LCK: variants seen among roughly 807,000 people sequenced by gnomAD.
LCK encodes the protein LCK proto-oncogene, Src family tyrosine kinase.
In LCK, 14 loss-of-function variants were observed where a neutral mutation model predicts 64.6. The ratio of observed to expected loss-of-function variants is 0.22; its 90% confidence interval spans 0.14 to 0.34. LCK has a LOEUF of 0.34. Ranked by LOEUF, LCK falls within the 10% of genes least tolerant of loss-of-function variation. The pLI is 1.00. For missense variants in LCK, 434 were observed against 668.1 expected, an observed-to-expected ratio of 0.65 and a Z score of 3.86; for synonymous variants, 277 against 263.6, an observed-to-expected ratio of 1.05 and a Z score of -0.49.
At chr1:32,272,811 TGA>T (rs1168518525) in intron 1 of LCK, among the ~76,000 whole-genome samples, 5 of 141,026 alleles carry the variant, frequency 3.5e-5, no homozygotes, top group Non-Finnish European at 7.7e-5. Context: ...TGTGTGTGTG[TGA>T]GTGTGGGTGT....
intron 9 of LCK, among the ~76,000 whole-genome samples, chr1:32,278,897 G>C (rs1325487172): frequency 6.6e-6 from 1 of 152,144 alleles, no homozygotes; most frequent in Non-Finnish European, 1.5e-5. Context: ...AAGGGCCATT[G>C]GTCACTCACT....
At position 32,272,951 on chromosome 1, in the gene LCK, ATGTG is replaced by A. The variant is rs1180843863; in HGVS notation, c.-5-1365_-5-1362del. Reference sequence around the variant, plus strand: ...ATGAATGTGTGTTGGGGAGGGGAGAATGTGTGTGTGTGGGGTGAGTGCGTGTGTG... The same window carrying A: ...ATGAATGTGTGTTGGGGAGGGGAGAATGTGTGTGGGGTGAGTGCGTGTGTG... On this transcript the variant is annotated intron_variant, in intron 1 of 12. Transcript: ENST00000336890. Among the ~76,000 whole-genome samples, 8 of 107,192 alleles carry A rather than the reference ATGTG, an allele frequency of 7.5e-5. No homozygotes were observed. The East Asian group carries it at 2.2e-3, about 29-fold the overall frequency. The allele number at this position is 107,192 out of a possible 152,430, so 70.3% of individuals were successfully genotyped here. A position where few individuals can be genotyped will look rare whatever the true frequency, so the allele number is the denominator to read the frequency against.
In LCK at chr1:32,276,317, C is replaced by T. The variant is rs369565834; in HGVS notation, c.632-20C>T. ...AGGCCTGCCCTATTGACAGCCTTCACCCCTCCCTCGTCCTCGCAGATGCTT... is the reference window on the plus strand; with the variant it reads ...AGGCCTGCCCTATTGACAGCCTTCATCCCTCCCTCGTCCTCGCAGATGCTT... On this transcript the variant is annotated intron_variant, in intron 7 of 12. Coordinates refer to ENST00000336890, the MANE Select transcript of LCK (RefSeq NM_005356.5). This position sits in a 1 kb window ranked among gnomAD's most constrained non-coding sequence, Gnocchi z 4.6. 1.9e-6 allele frequency: 3 copies of T among 1,541,358 alleles called. No homozygotes were observed. The highest frequency in any genetic ancestry group is 2.7e-5 in the African/African-American group (2 of 72,988).
At chr1:32,260,968 C>T (rs556127740) in intron 1 of LCK, among the ~76,000 whole-genome samples, 2 of 152,200 alleles carry the variant, frequency 1.3e-5, no homozygotes, top group Non-Finnish European at 2.9e-5. Context: ...AACTCAGCCA[C>T]GAAGCTGGCA....
At chr1:32,262,885 A>AC (rs1166634048) in intron 1 of LCK, among the ~76,000 whole-genome samples, 79 of 151,920 alleles carry the variant, frequency 5.2e-4, no homozygotes, top group African/African-American at 1.7e-3. Context: ...AAAAAAAAAA[A>AC]AACAGATGAA....
At chr1:32,252,562 A>G (rs1028608690) in intron 1 of LCK, among the ~76,000 whole-genome samples, 3 of 152,162 alleles carry the variant, frequency 2.0e-5, no homozygotes, top group Non-Finnish European at 2.9e-5. Flanking sequence ...GCTAGGGAAC[A>G]TGGTGGCTCT....
Position 32,275,436 on chromosome 1 carries a change from C to G in LCK, c.377+17C>G. 6.2e-7 allele frequency: 1 copy of G among 1,612,666 alleles called. No homozygotes were observed. Among genetic ancestry groups the G allele is most frequent in the Non-Finnish European group, 8.5e-7 (1 of 1,178,946 alleles). On this transcript the variant is annotated intron_variant, in intron 5 of 12. Coordinates refer to ENST00000336890, the MANE Select transcript of LCK (RefSeq NM_005356.5). This position sits in a 1 kb window ranked among gnomAD's most constrained non-coding sequence, Gnocchi z 6.9. ...GCCCGAACCGTAAGTGGGGACCCGT[C>G]GTGGGGGTGGGTAGGAGCAGATCTA...
chr1:32,260,795 T>C (rs1449315046), intron 1 of LCK, among the ~76,000 whole-genome samples: 2 of 151,672 alleles, frequency 1.3e-5, no homozygotes, highest in South Asian at 2.1e-4. Context: ...TTAATTTTTG[T>C]ATTTTTTGTA....
intron 12 of LCK, among the ~76,000 whole-genome samples, chr1:32,284,592 A>T (rs1401319278): frequency 6.6e-6 from 1 of 151,436 alleles, no homozygotes; most frequent in Non-Finnish European, 1.5e-5. Flanking sequence ...CTGGTCTTGA[A>T]CTCCTGGCCT....
Position 32,275,064 on chromosome 1 carries a change from C to G in LCK, c.259C>G (p.Gln87Glu). 6.2e-7 allele frequency: 1 copy of G among 1,613,310 alleles called. No homozygotes were observed. The highest frequency in any genetic ancestry group is 8.5e-7 in the Non-Finnish European group (1 of 1,179,424). The part of the protein sequence containing the change: ...DGDLGFEKGE[Q>E]LRILEQSGEW... Reference sequence around the variant, plus strand: ...AGATCTGGGCTTTGAGAAGGGGGAACAGCTCCGCATCCTGGAGCAGTGAGT... The same window carrying G: ...AGATCTGGGCTTTGAGAAGGGGGAAGAGCTCCGCATCCTGGAGCAGTGAGT... The change falls in exon 4 of 13, where the codon CAG becomes GAG. Residue 87 changes from glutamine (Q) to glutamate (E), a missense_variant. Transcript: ENST00000336890. The surrounding 1 kb of genome is among the most constrained non-coding windows in gnomAD (Gnocchi z 6.9).
At chr1:32,280,707 G>A (rs112909308) in intron 12 of LCK, among the ~76,000 whole-genome samples, 5,365 of 151,844 alleles carry the variant, frequency 0.035, 312 homozygotes, top group African/African-American at 0.12. Flanking sequence ...GGCCTGCCTC[G>A]GCCTCCCAGT....
Position 32,254,028 on chromosome 1 carries a change from A to C in LCK, c.-6+2657A>C, listed in dbSNP as rs537769958. 3.3e-5 allele frequency among the ~76,000 whole-genome samples: 5 copies of C among 152,286 alleles called. No individual in the cohort carries two copies. The South Asian group carries it at 1.0e-3, about 32-fold the overall frequency. On this transcript the variant is annotated intron_variant, in intron 1 of 12. Coordinates refer to ENST00000336890, the MANE Select transcript of LCK (RefSeq NM_005356.5). ...TTCAAGGCCAAGCTCAATTCAGTGA[A>C]AGTAATTCTCAGTGGGGTGGGGTGG...
In LCK at chr1:32,285,872, G is replaced by A. The variant is rs188040307; in HGVS notation, c.*156G>A. 3.6e-4 allele frequency: 261 copies of A among 725,410 alleles called. No individual in the cohort carries two copies. In the African/African-American group the frequency reaches 4.2e-3, roughly 12 times the overall value. 44.9% of individuals were successfully genotyped at this position (725,410 alleles called of 1,614,324 possible). On this transcript the variant is annotated 3_prime_UTR_variant, in exon 13 of 13. Coordinates refer to ENST00000336890, the MANE Select transcript of LCK (RefSeq NM_005356.5). ...ACATATGCACCTTGTGTCTGTACAC[G>A]TGTCCTGTAGTTGCGTGGACTCTGC...
rs753532894 is a variant in LCK at position 32,275,525 on chromosome 1, T to G, written c.378-44T>G. On this transcript the variant is annotated intron_variant, in intron 5 of 12. Coordinates refer to ENST00000336890, the MANE Select transcript of LCK (RefSeq NM_005356.5). The surrounding 1 kb of genome is among the most constrained non-coding windows in gnomAD (Gnocchi z 6.9). The stretch of plus-strand genomic sequence containing the variant: ...AAGGCTTGAGGGCCACGGAGGAAGA[T>G]CCGACGACAGCCGACGGCCTTCGTT... The G allele has an allele frequency of 5.1e-6, 8 of 1,553,868 alleles. No individual in the cohort carries two copies. The highest frequency in any genetic ancestry group is 6.1e-6 in the Non-Finnish European group (7 of 1,142,944).
chr1:32,268,754 G>A lies in LCK; in HGVS notation c.-5-5571G>A, dbSNP rs922229226. ...CTTGAACCTGGGAGGCAGAGGTTGCGGTGGGCCGAGATCGTGCCATTGCAC... is the reference window on the plus strand; with the variant it reads ...CTTGAACCTGGGAGGCAGAGGTTGCAGTGGGCCGAGATCGTGCCATTGCAC... On this transcript the variant is annotated intron_variant, in intron 1 of 12. Transcript: ENST00000336890. Among the ~76,000 whole-genome samples, 7 of 150,408 alleles carry A rather than the reference G, an allele frequency of 4.7e-5. 1 individual carries two copies. Among genetic ancestry groups the A allele is most frequent in the Admixed American group, 3.3e-4 (5 of 15,110 alleles).
In LCK at chr1:32,279,837, G is replaced by A; in HGVS notation, c.1042-4G>A. 3 of 1,614,170 alleles carry A rather than the reference G, an allele frequency of 1.9e-6. No homozygotes were observed. The highest frequency in any genetic ancestry group is 2.5e-6 in the Non-Finnish European group (3 of 1,180,004). ...AGGACCGCTGATCTGTGTTTGGCCTGCAGATTGCAGAAGGCATGGCATTCA... is the reference window on the plus strand; with the variant it reads ...AGGACCGCTGATCTGTGTTTGGCCTACAGATTGCAGAAGGCATGGCATTCA... On this transcript the variant is annotated splice_polypyrimidine_tract_variant and splice_region_variant and intron_variant, in intron 10 of 12. Coordinates refer to ENST00000336890, the MANE Select transcript of LCK (RefSeq NM_005356.5).
In LCK at chr1:32,276,790, G is replaced by A; in HGVS notation, c.964+4G>A. On this transcript the variant is annotated splice_donor_region_variant and intron_variant, in intron 9 of 12. Transcript: ENST00000336890. This position sits in a 1 kb window ranked among gnomAD's most constrained non-coding sequence, Gnocchi z 4.6. Reference sequence around the variant, plus strand: ...ATCACTGAATACATGGAGAATGGTGGGTGCTACCCGAGTCGGCTACCAGGG... The same window carrying A: ...ATCACTGAATACATGGAGAATGGTGAGTGCTACCCGAGTCGGCTACCAGGG... The A allele has an allele frequency of 6.3e-7, 1 of 1,587,802 alleles. No homozygotes were observed. The highest frequency in any genetic ancestry group is 8.6e-7 in the Non-Finnish European group (1 of 1,161,896).
chr1:32,254,699 A>G (rs1639587454), intron 1 of LCK, among the ~76,000 whole-genome samples: 1 of 151,590 alleles, frequency 6.6e-6, no homozygotes, highest in African/African-American at 2.4e-5. Context: ...TTTAGTAGAG[A>G]TGGGGTTTCT....
intron 12 of LCK, among the ~76,000 whole-genome samples, chr1:32,282,742 G>A (rs1569976079): frequency 6.6e-6 from 1 of 152,104 alleles, no homozygotes; most frequent in Non-Finnish European, 1.5e-5. Flanking sequence ...GGAGGCGGAA[G>A]TTGCAGTGAG....
Sources: gnomAD v4.1 joint callset for allele counts (sites outside exome capture counted in the v4.1 genomes callset) on GRCh38, gnomAD v4.1.1 for gene constraint, Gnocchi (gnomAD v3.1) non-coding constraint, MANE v1.5 for transcripts, NCBI Gene and HGNC (gene_info 2026-07-23, HGNC 2026-07-21) for gene names.